The following GPSM2 variants were observed in gnomAD, a reference collection of about 807,000 sequenced individuals.
The protein encoded by GPSM2 is G protein-signaling modulator 2.
A neutral mutation model predicts 78.4 loss-of-function variants in GPSM2; 58 were observed. The ratio of observed to expected loss-of-function variants is 0.74; its 90% CI spans 0.60 to 0.92. GPSM2 has a LOEUF of 0.92. GPSM2 is among the 40% of genes least tolerant of loss of function. The pLI is 0.00. For missense variants in GPSM2, 700 were observed against 815.5 expected (o/e 0.86, Z 1.73); for synonymous variants, 224 against 280.2 (o/e 0.80, Z 2.00).
At chr1:108,887,533 G>A (rs1340746948) in intron 2 of GPSM2, among the ~76,000 whole-genome samples, 1 of 152,188 alleles carries the variant, frequency 6.6e-6, no homozygotes, top group African/African-American at 2.4e-5. Context: ...AAACCCCATA[G>A]GTTTCTCTGC....
chr1:108,883,906 T>C (rs1437211553), intron 1 of GPSM2, among the ~76,000 whole-genome samples: 1 of 152,082 alleles, frequency 6.6e-6, no homozygotes, highest in Non-Finnish European at 1.5e-5. Context: ...TTTGTTGTTG[T>C]TGTTGTTGTT....
chr1:108,932,661 G>C lies in GPSM2; in HGVS notation c.*2721G>C, dbSNP rs1652206090. On this transcript the variant is annotated 3_prime_UTR_variant, in exon 15 of 15. Coordinates refer to ENST00000264126, the MANE Select transcript of GPSM2 (RefSeq NM_013296.5). ...TTCAGAGTCAGATCACAGTTCAAAA[G>C]ACAGCTCTCACCTTGGGGGCATATT... The C allele has an allele frequency of 6.6e-6, 1 of 152,220 alleles. No individual in the cohort carries two copies. Among genetic ancestry groups the C allele is most frequent in the African/African-American group, 2.4e-5 (1 of 41,454 alleles). The allele number at this position is 152,220 out of a possible 1,614,324, so 9.4% of individuals were successfully genotyped here.
At position 108,930,191 on chromosome 1, in the gene GPSM2, T is replaced by C. The variant is rs12030; in HGVS notation, c.*251T>C. 0.23 allele frequency: 97,985 copies of C among 431,734 alleles called. 11,983 individuals are homozygous for C. Among genetic ancestry groups the C allele is most frequent in the East Asian group, 0.38 (10,165 of 26,826 alleles). 26.7% of individuals were successfully genotyped at this position (431,734 alleles called of 1,614,324 possible). ...TTGGGATGTGTTCTTTGGCAGCTTG[T>C]GAGATTACTTTACCTAGTGTTTATA... On this transcript the variant is annotated 3_prime_UTR_variant, in exon 15 of 15. Coordinates refer to ENST00000264126, the MANE Select transcript of GPSM2 (RefSeq NM_013296.5).
intron 2 of GPSM2, among the ~76,000 whole-genome samples, chr1:108,888,486 T>G (rs1458902491): frequency 6.6e-6 from 1 of 152,208 alleles, no homozygotes; most frequent in Admixed American, 6.5e-5. Context: ...TAGCTGGGAC[T>G]ACAGCTATGC....
intron 10 of GPSM2, among the ~76,000 whole-genome samples, chr1:108,913,940 T>C (rs959798530): frequency 5.3e-5 from 8 of 152,152 alleles, no homozygotes; most frequent in Admixed American, 2.6e-4. Flanking sequence ...GGGATGCTAT[T>C]TTGATTCTTT....
chr1:108,892,288 T>TC (rs1477457654), intron 2 of GPSM2, among the ~76,000 whole-genome samples: 2 of 152,230 alleles, frequency 1.3e-5, no homozygotes, highest in African/African-American at 4.8e-5. Context: ...GCATCATGGT[T>TC]TTATGTTTTG....
chr1:108,880,277 G>C (rs1387050969), intron 1 of GPSM2, among the ~76,000 whole-genome samples: 2 of 152,116 alleles, frequency 1.3e-5, no homozygotes, highest in African/African-American at 4.8e-5. Flanking sequence ...TAATATTTCT[G>C]CATTTGGGAT....
intron 13 of GPSM2, 71 bp from the exon 14 acceptor site, chr1:108,923,929 A>G: frequency 9.0e-7 from 1 of 1,117,206 alleles, no homozygotes; most frequent in African/African-American, 1.5e-5. Flanking sequence ...TATATAATAA[A>G]TGTGCCTAGG....
In GPSM2 at chr1:108,931,637, A is replaced by G; in HGVS notation, c.*1697A>G. 1 of 1,158,302 alleles carries G rather than the reference A, an allele frequency of 8.6e-7. No homozygotes were observed. The highest frequency in any genetic ancestry group is 1.8e-5 in the South Asian group (1 of 54,516). The allele number at this position is 1,158,302 out of a possible 1,614,324, so 71.8% of individuals were successfully genotyped here. On this transcript the variant is annotated 3_prime_UTR_variant, in exon 15 of 15. Transcript: ENST00000264126. The stretch of plus-strand genomic sequence containing the variant: ...ACATTAAGTGCTCAGCTAAAAAAAA[A>G]AAAAAAGTTCTAAATTACAACCTGG...
intron 10 of GPSM2, among the ~76,000 whole-genome samples, chr1:108,912,916 C>CG (rs1649873525): frequency 1.2e-5 from 1 of 86,844 alleles, no homozygotes; most frequent in Non-Finnish European, 2.2e-5. Flanking sequence ...GGACACGGGG[C>CG]GGGGGGCAAA....
chr1:108,916,717 T>A (rs1264904218), intron 11 of GPSM2, among the ~76,000 whole-genome samples: 4 of 152,224 alleles, frequency 2.6e-5, no homozygotes, highest in Non-Finnish European at 5.9e-5. Context: ...AAGAGCCAAG[T>A]GATAAAATTC....
chr1:108,877,338 G>C (rs1665680937), intron 1 of GPSM2, 110 bp downstream of exon 1: 1 of 152,250 alleles, frequency 6.6e-6, no homozygotes, highest in African/African-American at 2.4e-5. Flanking sequence ...CAGAGGTCTG[G>C]GGGTGACGTC....
intron 2 of GPSM2, among the ~76,000 whole-genome samples, chr1:108,888,873 GTAAAA>G (rs1168079871): frequency 6.6e-6 from 1 of 152,162 alleles, no homozygotes; most frequent in Non-Finnish European, 1.5e-5. Flanking sequence ...AGAGTTTCAA[GTAAAA>G]TAAAATGGAA....
intron 2 of GPSM2, among the ~76,000 whole-genome samples, chr1:108,894,529 C>G (rs551746874): frequency 1.3e-5 from 2 of 152,144 alleles, no homozygotes; most frequent in African/African-American, 2.4e-5. Context: ...AAAACCCTGT[C>G]TCTACTAAAA....
rs779202698 is a variant in GPSM2 at position 108,896,947 on chromosome 1, T to C, written c.140T>C (p.Phe47Ser). Reference protein sequence around the residue: ...SGDCRAGVSFFEAAVQVGTED... With the variant: ...SGDCRAGVSFSEAAVQVGTED... ...GACTGCCGCGCTGGCGTGTCATTCT[T>C]TGAAGCTGCAGTTCAAGTTGGAACT... Residue 47 changes from phenylalanine (F) to serine (S), a missense_variant, in exon 3 of 15, where the codon TTT becomes TCT. By Grantham distance (155) the Phe-to-Ser change is radical. Coordinates refer to ENST00000264126, the MANE Select transcript of GPSM2 (RefSeq NM_013296.5). 6.2e-7 allele frequency: 1 copy of C among 1,614,182 alleles called. No individual in the cohort carries two copies. Among genetic ancestry groups the C allele is most frequent in the Non-Finnish European group, 8.5e-7 (1 of 1,179,982 alleles).
chr1:108,915,791 C>T (rs1447448332), intron 11 of GPSM2, among the ~76,000 whole-genome samples: 1 of 151,944 alleles, frequency 6.6e-6, no homozygotes, highest in Non-Finnish European at 1.5e-5. Context: ...TATAAAATAC[C>T]TTCATTACAG....
At chr1:108,922,138 C>A (rs773765361) in intron 12 of GPSM2, among the ~76,000 whole-genome samples, 18 of 152,262 alleles carry the variant, frequency 1.2e-4, no homozygotes, top group South Asian at 6.2e-4. Flanking sequence ...GAAGTACAGG[C>A]CTGTATCACC....
chr1:108,886,588 C>A (rs186791829), intron 2 of GPSM2, among the ~76,000 whole-genome samples: 2 of 152,302 alleles, frequency 1.3e-5, no homozygotes, highest in African/African-American at 4.8e-5. Context: ...ATTGTAAGGA[C>A]CAGTGTTCCC....
intron 1 of GPSM2, 43 bp from the exon 2 acceptor site, chr1:108,885,232 G>C (rs1052191616): frequency 3.3e-6 from 1 of 301,846 alleles, no homozygotes; most frequent in African/African-American, 2.1e-5. Context: ...GTTGTTCTTT[G>C]AAAATAGGAC....
Sources: gnomAD v4.1 joint callset for allele counts (sites outside exome capture counted in the v4.1 genomes callset) on GRCh38, gnomAD v4.1.1 for gene constraint, MANE v1.5 for transcripts, NCBI Gene and HGNC (gene_info 2026-07-23, HGNC 2026-07-21) for gene names.